The following TAFA1 variants were observed in gnomAD, a reference collection of about 807,000 sequenced individuals.
TAFA1 encodes TAFA chemokine like family member 1.
In TAFA1, 4 loss-of-function variants were observed where a neutral mutation model predicts 18.5. The observed-to-expected ratio is 0.22, with a 90% CI of 0.11 to 0.49. The LOEUF (loss-of-function observed/expected upper bound fraction) is 0.49, where lower values mean the gene tolerates loss of function less well. Ranked by LOEUF, TAFA1 falls within the 20% of genes least tolerant of loss-of-function variation. TAFA1 has a pLI of 0.98. For synonymous variants in TAFA1, 56 were observed against 55.2 expected, an observed-to-expected ratio of 1.01 and a Z score of -0.06; for missense variants, 147 against 169.0, an observed-to-expected ratio of 0.87 and a Z score of 0.72.
chr3:68,032,396 C>A (rs1704954078), intron 2 of TAFA1, among the ~76,000 whole-genome samples: 1 of 152,166 alleles, frequency 6.6e-6, no homozygotes, highest in Admixed American at 6.6e-5. Flanking sequence ...AAATTCTGGG[C>A]ATCCAGCCCT....
chr3:68,312,740 C>T (rs1169647235), intron 2 of TAFA1, among the ~76,000 whole-genome samples: 2 of 152,210 alleles, frequency 1.3e-5, no homozygotes, highest in Admixed American at 6.5e-5. Context: ...ACTGTTCCAA[C>T]CTCTGCCTGT....
At chr3:68,475,203 C>G (rs1213600804) in intron 3 of TAFA1, among the ~76,000 whole-genome samples, 3 of 151,794 alleles carry the variant, frequency 2.0e-5, no homozygotes, top group Non-Finnish European at 4.4e-5. Context: ...TACATGTGCA[C>G]AATGTGCAGG....
At chr3:68,521,860 T>A (rs1271175220) in intron 3 of TAFA1, among the ~76,000 whole-genome samples, 1 of 125,880 alleles carries the variant, frequency 7.9e-6, no homozygotes, top group Non-Finnish European at 1.7e-5. Context: ...TTTTCTGTTT[T>A]TTTTTTTTTT....
At chr3:68,381,840 C>T (rs564335137) in intron 2 of TAFA1, among the ~76,000 whole-genome samples, 5 of 152,076 alleles carry the variant, frequency 3.3e-5, no homozygotes, top group East Asian at 1.9e-4. Flanking sequence ...GGCATCCCTG[C>T]CTTGTGCCAG....
intron 2 of TAFA1, among the ~76,000 whole-genome samples, chr3:68,352,085 AAAGT>A (rs1378880131): frequency 5.3e-5 from 8 of 151,990 alleles, no homozygotes; most frequent in African/African-American, 1.9e-4. Flanking sequence ...AGATTCCAGG[AAAGT>A]AAGGGTCTGA....
intron 2 of TAFA1, among the ~76,000 whole-genome samples, chr3:68,218,065 AC>A (rs1402798164): frequency 2.0e-5 from 3 of 152,094 alleles, no homozygotes; most frequent in Non-Finnish European, 4.4e-5. Context: ...ATGGATCTTT[AC>A]ACAATATGTT....
chr3:68,388,417 G>T (rs967175674), intron 2 of TAFA1, among the ~76,000 whole-genome samples: 71 of 152,054 alleles, frequency 4.7e-4, no homozygotes, highest in African/African-American at 1.6e-3. Context: ...TGTGAATTTA[G>T]ACCTTTCTAT....
intron 2 of TAFA1, among the ~76,000 whole-genome samples, chr3:68,081,959 A>G (rs1394745938): frequency 1.3e-5 from 2 of 152,192 alleles, no homozygotes; most frequent in African/African-American, 4.8e-5. Context: ...GCTAGCAATC[A>G]GTGAGACTCC....
chr3:68,544,548 T>C lies in TAFA1; in HGVS notation c.*45T>C, dbSNP rs769233320. ...AAAGGAAAACCAACCCTCTGGAAAA[T>C]ACATTTTGAGAATCTCAAACATCTC... is the stretch of plus-strand genomic sequence containing the variant. On this transcript the variant is annotated 3_prime_UTR_variant, in exon 5 of 5. Coordinates refer to ENST00000478136, the MANE Select transcript of TAFA1 (RefSeq NM_213609.4). The C allele has an allele frequency of 2.1e-5, 33 of 1,599,956 alleles. No homozygotes were observed. Among genetic ancestry groups the C allele is most frequent in the South Asian group, 1.4e-4 (13 of 90,436 alleles).
intron 2 of TAFA1, among the ~76,000 whole-genome samples, chr3:68,178,048 G>A (rs1039030165): frequency 6.6e-6 from 1 of 152,092 alleles, no homozygotes; most frequent in African/African-American, 2.4e-5. Context: ...GGAGGCTGAG[G>A]CAGGAGAATG....
rs201870618 is a variant in TAFA1, at chr3:68,143,659, T to C, written c.118+136915T>C. Among the ~76,000 whole-genome samples the C allele has an allele frequency of 9.2e-5, 14 of 152,238 alleles. No individual in the cohort carries two copies. The East Asian group carries it at 2.7e-3, about 29-fold the overall frequency. On this transcript the variant is annotated intron_variant, in intron 2 of 4. Transcript: ENST00000478136. The stretch of plus-strand genomic sequence containing the variant: ...GTCTTCGGACATGGCCAAGTGTTCC[T>C]TGGGTGGGGAAGAGAGTGGGAAAAA...
Position 68,121,856 on chromosome 3 carries a change from C to G in TAFA1, c.118+115112C>G, listed in dbSNP as rs559655175. Reference sequence around the variant, plus strand: ...CTTAAAGTATCTGTAATTTTGCAGGCATCCTGGAATGAGTTCTGTAATTTT... The same window carrying G: ...CTTAAAGTATCTGTAATTTTGCAGGGATCCTGGAATGAGTTCTGTAATTTT... On this transcript the variant is annotated intron_variant, in intron 2 of 4. Transcript: ENST00000478136. Among the ~76,000 whole-genome samples the G allele has an allele frequency of 2.0e-5, 3 of 152,186 alleles. No homozygotes were observed. In the East Asian group the frequency reaches 5.8e-4, roughly 29 times the overall value.
rs150265948 is a variant in TAFA1, at chr3:68,543,067, A to G, written c.385-1419A>G. ...GGAATTTCCCTGTGGTAAAATTGTGAGGGACGTATGTGGCTTTTGAAACAT... is the reference window on the plus strand; with the variant it reads ...GGAATTTCCCTGTGGTAAAATTGTGGGGGACGTATGTGGCTTTTGAAACAT... On this transcript the variant is annotated intron_variant, in intron 4 of 4. Transcript: ENST00000478136. 5.4e-3 allele frequency among the ~76,000 whole-genome samples: 815 copies of G among 152,246 alleles called. 9 individuals carry two copies. Among genetic ancestry groups the G allele is most frequent in the African/African-American group, 0.019 (772 of 41,552 alleles).
intron 2 of TAFA1, among the ~76,000 whole-genome samples, chr3:68,082,291 G>A (rs1164861614): frequency 1.3e-5 from 2 of 152,220 alleles, no homozygotes; most frequent in African/African-American, 2.4e-5. Flanking sequence ...CTCACGCTGG[G>A]AGCTGTAGAC....
chr3:68,112,188 A>G (rs541385706), intron 2 of TAFA1, among the ~76,000 whole-genome samples: 7 of 152,190 alleles, frequency 4.6e-5, no homozygotes, highest in Non-Finnish European at 1.0e-4. Context: ...GCCCCTCCCA[A>G]CAAAACTCAA....
At chr3:68,340,490 AG>A (rs2069061826) in intron 2 of TAFA1, among the ~76,000 whole-genome samples, 1 of 152,252 alleles carries the variant, frequency 6.6e-6, no homozygotes, top group Non-Finnish European at 1.5e-5. Flanking sequence ...TATTATGCGA[AG>A]GAATGAGACT....
intron 2 of TAFA1, among the ~76,000 whole-genome samples, chr3:68,372,986 A>G (rs1192032496): frequency 6.6e-6 from 1 of 152,148 alleles, no homozygotes; most frequent in Non-Finnish European, 1.5e-5. Context: ...GCCTCTACCT[A>G]GATGAGGTCT....
chr3:68,049,768 C>T (rs375083786), intron 2 of TAFA1, among the ~76,000 whole-genome samples: 1 of 152,024 alleles, frequency 6.6e-6, no homozygotes, highest in South Asian at 2.1e-4. Context: ...AAGCTCTGTC[C>T]TTTTTAGGTG....
At chr3:68,537,662 A>G (rs2073297121) in intron 3 of TAFA1, among the ~76,000 whole-genome samples, 1 of 152,176 alleles carries the variant, frequency 6.6e-6, no homozygotes, top group Non-Finnish European at 1.5e-5. Context: ...TCCCCCATGA[A>G]AGAAAACTTT....
Sources: gnomAD v4.1 joint callset for allele counts (sites outside exome capture counted in the v4.1 genomes callset) on GRCh38, gnomAD v4.1.1 for gene constraint, MANE v1.5 for transcripts, NCBI Gene and HGNC (gene_info 2026-07-23, HGNC 2026-07-21) for gene names.